Variants in SLC2A9 observed in about 807,000 individuals in gnomAD.
The protein encoded by SLC2A9 is solute carrier family 2 member 9, also known as solute carrier family 2, facilitated glucose transporter member 9.
Under a neutral mutation model 50.6 loss-of-function variants are expected in SLC2A9, and 39 were observed. The observed-to-expected ratio is 0.77, with a 90% CI of 0.60 to 1.01. SLC2A9 has a LOEUF of 1.01. Among genes scored for constraint, SLC2A9 ranks in the 50% least tolerant of loss-of-function variants. SLC2A9 has a pLI of 0.00. For synonymous variants in SLC2A9, 324 were observed against 276.9 expected, an observed-to-expected ratio of 1.17 and a Z score of -1.69; for missense variants, 686 against 677.6, an observed-to-expected ratio of 1.01 and a Z score of -0.14.
intron 11 of SLC2A9, among the ~76,000 whole-genome samples, chr4:9,833,164 T>C (rs1408370194): frequency 2.0e-5 from 3 of 152,198 alleles, no homozygotes; most frequent in Non-Finnish European, 2.9e-5. Flanking sequence ...ATTGAAAAGA[T>C]ACTTGTTATG....
At chr4:9,908,787 T>C (rs904043863) in intron 7 of SLC2A9, among the ~76,000 whole-genome samples, 1 of 152,154 alleles carries the variant, frequency 6.6e-6, no homozygotes, top group Non-Finnish European at 1.5e-5. Context: ...ACTTCCCAGT[T>C]TTCTTGCAGC....
chr4:10,031,025 G>A (rs1763928319), intron 1 of SLC2A9, among the ~76,000 whole-genome samples: 1 of 152,320 alleles, frequency 6.6e-6, no homozygotes, highest in Middle Eastern at 3.4e-3. Context: ...AAAGTGAGTG[G>A]CCCTGCCTTT....
intron 10 of SLC2A9, among the ~76,000 whole-genome samples, chr4:9,886,455 TGTGTG>T (rs1317296565): frequency 6.6e-6 from 1 of 150,654 alleles, no homozygotes; most frequent in Non-Finnish European, 1.5e-5. Flanking sequence ...TGTGTGTGTG[TGTGTG>T]TGTGTGTGTG....
At chr4:9,782,575 G>A (rs777620276) in intron 3 of SLC2A9, 3 of 1,613,940 alleles carry the variant, frequency 1.9e-6, no homozygotes, top group Non-Finnish European at 2.5e-6. Context: ...ACTGGCACAG[G>A]GACCAGGCGG....
chr4:10,035,817 C>T (rs536965089), intron 1 of SLC2A9: 1 of 152,540 alleles, frequency 6.6e-6, no homozygotes, highest in South Asian at 2.1e-4. Flanking sequence ...CTGTCTCTCT[C>T]CTGGAGCTGG....
At chr4:9,960,523 C>T (rs895168117) in intron 5 of SLC2A9, among the ~76,000 whole-genome samples, 1 of 152,198 alleles carries the variant, frequency 6.6e-6, no homozygotes, top group African/African-American at 2.4e-5. Flanking sequence ...CAAGAAGACA[C>T]AGCTCCTCCC....
chr4:9,818,390 G>A (rs1476219504), intron 3 of SLC2A9, among the ~76,000 whole-genome samples: 1 of 152,224 alleles, frequency 6.6e-6, no homozygotes, highest in Admixed American at 6.5e-5. Context: ...GACTGAAACA[G>A]GTAAGGGGAA....
intron 1 of SLC2A9, chr4:10,034,310 C>T (rs553940734): frequency 1.3e-5 from 2 of 152,378 alleles, no homozygotes; most frequent in Admixed American, 6.5e-5. Context: ...CACAGAGGCA[C>T]GCCGTCCAGC....
intron 7 of SLC2A9, among the ~76,000 whole-genome samples, chr4:9,910,724 C>A (rs982482529): frequency 6.6e-6 from 1 of 152,158 alleles, no homozygotes; most frequent in African/African-American, 2.4e-5. Flanking sequence ...CCTCACAACC[C>A]CGTCTTCCCT....
chr4:9,931,711 T>C (rs1334585434), intron 6 of SLC2A9, among the ~76,000 whole-genome samples: 2 of 151,970 alleles, frequency 1.3e-5, no homozygotes, highest in Non-Finnish European at 2.9e-5. Context: ...ATTCAGCTCA[T>C]TGCCATTATC....
upstream of SLC2A9, among the ~76,000 whole-genome samples, chr4:10,024,669 A>T (rs146930596): frequency 4.2e-4 from 64 of 152,316 alleles, no homozygotes; most frequent in East Asian, 0.01. Context: ...GCCTCTTTGT[A>T]TTCCTAGACT....
chr4:10,025,846 T>G, upstream of SLC2A9: 1 of 1,548,812 alleles, frequency 6.5e-7, no homozygotes, highest in Non-Finnish European at 8.9e-7. Context: ...AAAGGGGTAC[T>G]ACCCCCTGGG....
At chr4:9,892,720 T>C (rs1475313485) in intron 8 of SLC2A9, among the ~76,000 whole-genome samples, 1 of 152,138 alleles carries the variant, frequency 6.6e-6, no homozygotes, top group Non-Finnish European at 1.5e-5. Flanking sequence ...TGGCAGGAAA[T>C]ATATTATTCA....
intron 5 of SLC2A9, among the ~76,000 whole-genome samples, chr4:9,957,797 C>G (rs371137423): frequency 1.3e-5 from 2 of 151,992 alleles, no homozygotes; most frequent in Non-Finnish European, 2.9e-5. Context: ...ATACTAAAAT[C>G]AAACTTAGAA....
intron 1 of SLC2A9, among the ~76,000 whole-genome samples, chr4:10,032,605 T>C (rs1763971193): frequency 6.6e-6 from 1 of 152,046 alleles, no homozygotes; most frequent in South Asian, 2.1e-4. Context: ...TAAAAGATGA[T>C]GCTCATACCA....
intron 9 of SLC2A9, among the ~76,000 whole-genome samples, chr4:9,889,374 G>T (rs938563): frequency 6.6e-6 from 1 of 152,030 alleles, no homozygotes; most frequent in African/African-American, 2.4e-5. Flanking sequence ...GCTTAGATGG[G>T]GTTTGTGGGC....
rs138640667 is a variant in SLC2A9 at position 10,016,075 on chromosome 4, G to A, written c.249+2900C>T. Among the ~76,000 whole-genome samples the A allele has an allele frequency of 2.1e-3, 323 of 152,266 alleles. 2 individuals carry two copies. Among genetic ancestry groups the A allele is most frequent in the South Asian group, 4.0e-3 (19 of 4,810 alleles). On this transcript the variant is annotated intron_variant, in intron 2 of 11. Transcript: ENST00000264784. ...TGGGCTCCTCTAAAGTATGCATGAC[G>A]AGCCGTGGTCTCGAGGTTCAAAGGA...
chr4:9,995,488 C>T (rs4529048), intron 3 of SLC2A9, among the ~76,000 whole-genome samples: 1 of 152,026 alleles, frequency 6.6e-6, no homozygotes, highest in African/African-American at 2.4e-5. Context: ...GTAAAGGATT[C>T]GGTCATTTCA....
In SLC2A9 at chr4:9,890,559, A is replaced by C. The variant is rs778169636; in HGVS notation, c.1215+51T>G. On this transcript the variant is annotated intron_variant, in intron 9 of 11. Transcript: ENST00000264784. ...AAAGGCCCCAAAACGATGAAGCCAGAAGTCAGCTCCATGCTTATCTCCCTC... is the reference window on the plus strand; with the variant it reads ...AAAGGCCCCAAAACGATGAAGCCAGCAGTCAGCTCCATGCTTATCTCCCTC... 3 of 1,556,230 alleles carry C rather than the reference A, an allele frequency of 1.9e-6. No homozygotes were observed. The South Asian group carries it at 3.3e-5, about 17-fold the overall frequency.
Sources: allele counts gnomAD v4.1 joint callset (sites outside exome capture counted in the v4.1 genomes callset), GRCh38; gene constraint gnomAD v4.1.1; transcripts MANE v1.5; gene names NCBI Gene and HGNC (gene_info 2026-07-23, HGNC 2026-07-21).